Variants in FAM184A observed in about 807,000 individuals in gnomAD.
FAM184A encodes family with sequence similarity 184 member A.
A neutral mutation model predicts 143.8 loss-of-function variants in FAM184A; 99 were observed. That is an observed-to-expected ratio of 0.69 (90% CI 0.58 to 0.81). The LOEUF (loss-of-function observed/expected upper bound fraction) is 0.81. Among genes scored for constraint, FAM184A ranks in the 40% least tolerant of loss-of-function variants. The pLI is 0.00. For missense variants in FAM184A, 1,217 were observed against 1,310.5 expected (o/e 0.93, Z 1.10); for synonymous variants, 427 against 446.4 (o/e 0.96, Z 0.55).
At chr6:119,050,759 T>G (rs1292248691) in intron 1 of FAM184A, among the ~76,000 whole-genome samples, 1 of 150,416 alleles carries the variant, frequency 6.6e-6, no homozygotes, top group Non-Finnish European at 1.5e-5. Context: ...GAGCCGAGAT[T>G]GCGCCACTGC....
intron 14 of FAM184A, among the ~76,000 whole-genome samples, chr6:118,973,220 T>G (rs181629380): frequency 1.4e-4 from 22 of 152,288 alleles, no homozygotes; most frequent in African/African-American, 4.6e-4. Context: ...TGCTGTGGCT[T>G]AAGTGAATAC....
chr6:119,072,631 G>C (rs1325830462), intron 1 of FAM184A, among the ~76,000 whole-genome samples: 1 of 152,098 alleles, frequency 6.6e-6, no homozygotes, highest in Non-Finnish European at 1.5e-5. Flanking sequence ...AGCAGAGTTA[G>C]TATAAAATGA....
rs988883953 is a variant in FAM184A, at chr6:119,078,163, T to C, written c.137A>G (p.Lys46Arg). Reference protein sequence around the residue: ...YSQEMHLKMSKKIAQLTKVIY... With the variant: ...YSQEMHLKMSRKIAQLTKVIY... ...TACCTTGGTGAGCTGGGCGATTTTC[T>C]TGCTCATTTTCAGGTGCATCTCCTG... Residue 46 changes from lysine to arginine, a missense_variant, in exon 1 of 18, where the codon AAG becomes AGG. Transcript: ENST00000338891. The surrounding 1 kb of genome is among the most constrained non-coding windows in gnomAD (Gnocchi z 5.5). 2.5e-5 allele frequency: 40 copies of C among 1,593,348 alleles called. No individual in the cohort carries two copies. Among genetic ancestry groups the C allele is most frequent in the Non-Finnish European group, 3.2e-5 (37 of 1,171,660 alleles).
At chr6:118,990,995 T>A (rs1784359866) in intron 9 of FAM184A, among the ~76,000 whole-genome samples, 1 of 152,024 alleles carries the variant, frequency 6.6e-6, no homozygotes, top group African/African-American at 2.4e-5. Flanking sequence ...CTTATTCAAC[T>A]ATGTATCTCA....
chr6:119,137,458 C>T (rs995156020), intron 1 of FAM184A, among the ~76,000 whole-genome samples: 12 of 152,186 alleles, frequency 7.9e-5, no homozygotes, highest in Non-Finnish European at 1.8e-4. Flanking sequence ...TCTGCAAATA[C>T]AGTCACAATT....
intron 9 of FAM184A, among the ~76,000 whole-genome samples, chr6:119,001,339 T>A (rs1784750698): frequency 6.6e-6 from 1 of 151,904 alleles, no homozygotes; most frequent in Non-Finnish European, 1.5e-5. Context: ...GGAAATGGTC[T>A]GATGGCATGG....
chr6:118,960,915 G>T, intron 17 of FAM184A: 1 of 1,014,684 alleles, frequency 9.9e-7, no homozygotes, highest in Admixed American at 2.4e-5. Context: ...TATTTAGCAG[G>T]AGACAAATTC....
At chr6:118,967,949 A>G (rs1373448384) in intron 14 of FAM184A, among the ~76,000 whole-genome samples, 4 of 152,208 alleles carry the variant, frequency 2.6e-5, no homozygotes, top group Non-Finnish European at 5.9e-5. Context: ...AACCCTAGAG[A>G]GGTACCTGAA....
intron 1 of FAM184A, among the ~76,000 whole-genome samples, chr6:119,111,838 C>T (rs1453608407): frequency 6.6e-6 from 1 of 152,162 alleles, no homozygotes; most frequent in Non-Finnish European, 1.5e-5. Flanking sequence ...AAATCCATTT[C>T]CTGGCATATA....
At chr6:119,081,337 G>A (rs750056791), upstream of FAM184A, among the ~76,000 whole-genome samples, 1 of 152,208 alleles carries the variant, frequency 6.6e-6, no homozygotes, top group Non-Finnish European at 1.5e-5. Context: ...CCCCTTCGCA[G>A]GGCGTGCAAT....
At chr6:119,011,282 T>C (rs369995646) in intron 6 of FAM184A, 27 bp downstream of exon 6, 16 of 1,590,720 alleles carry the variant, frequency 1.0e-5, no homozygotes, top group East Asian at 6.8e-5. Flanking sequence ...ATCTATAACA[T>C]AGGCAACAGG....
chr6:119,050,165 A>T (rs190397908), intron 1 of FAM184A, among the ~76,000 whole-genome samples: 161 of 152,356 alleles, frequency 1.1e-3, no homozygotes, highest in Middle Eastern at 0.01. Flanking sequence ...ATTATTAAAA[A>T]GTCAAAAAAC....
chr6:119,019,423 T>C (rs2357022), intron 4 of FAM184A, among the ~76,000 whole-genome samples: 142,394 of 152,272 alleles, frequency 0.94, 66,728 homozygotes, highest in Non-Finnish European at 0.96. Flanking sequence ...AGAGAATAGA[T>C]ATTTTCAAAA....
At chr6:118,965,713 G>A (rs1207712904) in intron 15 of FAM184A, among the ~76,000 whole-genome samples, 1 of 152,182 alleles carries the variant, frequency 6.6e-6, no homozygotes, top group Non-Finnish European at 1.5e-5. Flanking sequence ...AACAACCCTT[G>A]CCTACAATCC....
In FAM184A at chr6:119,011,407, C is replaced by T. The variant is rs541431761; in HGVS notation, c.1555G>A (p.Asp519Asn). The change falls in exon 6 of 18, where the codon GAT (aspartate) becomes AAT (asparagine). Residue 519 changes from aspartate to asparagine, a missense_variant. Asp to Asn is a conservative substitution (Grantham distance 23, BLOSUM62 1). Transcript: ENST00000338891. ...QMDLEEQHNK[D>N]KLNLEEDKNQ... Reference sequence around the variant, plus strand: ...TTATCCTCTTCCAGGTTTAGTTTATCTTTGTTATGTTGTTCTTCCAAATCC... The same window carrying T: ...TTATCCTCTTCCAGGTTTAGTTTATTTTTGTTATGTTGTTCTTCCAAATCC... 9.4e-5 allele frequency: 146 copies of T among 1,561,072 alleles called. No homozygotes were observed. In the South Asian group the frequency reaches 1.6e-3, roughly 17 times the overall value.
chr6:119,018,984 T>C (rs934145170), intron 4 of FAM184A, among the ~76,000 whole-genome samples: 4 of 152,012 alleles, frequency 2.6e-5, no homozygotes, highest in African/African-American at 9.7e-5. Context: ...TTGATGTTTG[T>C]GAAAAACATA....
chr6:118,979,981 G>A (rs1241749780), intron 10 of FAM184A, among the ~76,000 whole-genome samples, 157 bp downstream of exon 10: 2 of 152,058 alleles, frequency 1.3e-5, no homozygotes, highest in South Asian at 2.1e-4. Context: ...CTAGGAAGTC[G>A]AGACTGCAGT....
intron 1 of FAM184A, among the ~76,000 whole-genome samples, chr6:119,147,194 C>T (rs2114900183): frequency 6.6e-6 from 1 of 151,888 alleles, no homozygotes; most frequent in South Asian, 2.1e-4. Context: ...AGTTCCTCAT[C>T]CAGTCATGAC....
chr6:118,970,833 C>T (rs1421284669), intron 14 of FAM184A, among the ~76,000 whole-genome samples: 1 of 152,134 alleles, frequency 6.6e-6, no homozygotes, highest in Admixed American at 6.5e-5. Flanking sequence ...TTCTTTGGCT[C>T]TGACAATATA....
Sources: allele counts gnomAD v4.1 joint callset (sites outside exome capture counted in the v4.1 genomes callset), GRCh38; gene constraint gnomAD v4.1.1; non-coding constraint Gnocchi (gnomAD v3.1); transcripts MANE v1.5; gene names NCBI Gene and HGNC (gene_info 2026-07-23, HGNC 2026-07-21).